Variants in CEP170 observed in about 807,000 individuals in gnomAD.
CEP170 encodes centrosomal protein of 170 kDa.
A neutral mutation model predicts 151.9 loss-of-function variants in CEP170; 21 were observed. The observed-to-expected ratio is 0.14, with a 90% CI of 0.10 to 0.20. The LOEUF (loss-of-function observed/expected upper bound fraction) is 0.20, where lower values mean the gene tolerates loss of function less well. Ranked by LOEUF, CEP170 falls within the 10% of genes least tolerant of loss-of-function variation. CEP170 has a pLI of 1.00. For missense variants in CEP170, 964 were observed against 1,892.9 expected, an observed-to-expected ratio of 0.51 and a Z score of 9.11; for synonymous variants, 356 against 648.8, an observed-to-expected ratio of 0.55 and a Z score of 6.86.
intron 17 of CEP170, among the ~76,000 whole-genome samples, chr1:243,133,379 A>T (rs1439753315): frequency 6.6e-6 from 1 of 152,282 alleles, no homozygotes; most frequent in Non-Finnish European, 1.5e-5. Flanking sequence ...CTTTATTCCC[A>T]TATAAGATGA....
At chr1:243,237,733 G>A (rs2064382733) in intron 1 of CEP170, among the ~76,000 whole-genome samples, 1 of 151,996 alleles carries the variant, frequency 6.6e-6, no homozygotes, top group South Asian at 2.1e-4. Flanking sequence ...TGAAACCCCC[G>A]TCTCTACTAA....
In CEP170 at chr1:243,139,996, C is replaced by T. The variant is rs1371581552; in HGVS notation, c.4171G>A (p.Ala1391Thr). The change falls in exon 16 of 20, where the codon GCA becomes ACA. Residue 1391 changes from alanine to threonine, a missense_variant. By Grantham distance (58) the Ala-to-Thr change is moderately conservative (BLOSUM62 0). Coordinates refer to ENST00000366542, the MANE Select transcript of CEP170 (RefSeq NM_014812.3). ...GTTAAGTGATCGGGAGGCTCTGCTG[C>T]TTGAGGTCTTGGATCACCAGATCGA... is the stretch of plus-strand genomic sequence containing the variant. Reference protein sequence around the residue: ...NGRSGDPRPQAAEPPDHLTIT... With the variant: ...NGRSGDPRPQTAEPPDHLTIT... 1.2e-6 allele frequency: 2 copies of T among 1,613,772 alleles called. No individual in the cohort carries two copies. The highest frequency in any genetic ancestry group is 1.7e-6 in the Non-Finnish European group (2 of 1,179,844).
intron 3 of CEP170, among the ~76,000 whole-genome samples, chr1:243,216,452 G>C (rs1473002947): frequency 6.6e-6 from 1 of 151,528 alleles, no homozygotes; most frequent in Non-Finnish European, 1.5e-5. Flanking sequence ...AGAACATCTG[G>C]TGTTTGGTTT....
rs1207484859 is a variant in CEP170 at position 243,185,926 on chromosome 1, C to T, written c.1419G>A (p.Gln473=). Residue 473 remains glutamine, a synonymous_variant, in exon 10 of 20, where the codon CAG becomes CAA. Coordinates refer to ENST00000366542, the MANE Select transcript of CEP170 (RefSeq NM_014812.3). The surrounding 1 kb of genome is among the most constrained non-coding windows in gnomAD (Gnocchi z 4.9). ...SSGSLGHRPS[Q]EMDKMLKNQA... Reference sequence around the variant, plus strand: ...GATTTTTTAACATTTTATCCATCTCCTGGCTTGGTCTGTGCCCAAGACTCC... The same window carrying T: ...GATTTTTTAACATTTTATCCATCTCTTGGCTTGGTCTGTGCCCAAGACTCC... 2 of 1,613,772 alleles carry T rather than the reference C, an allele frequency of 1.2e-6. No individual in the cohort carries two copies. Among genetic ancestry groups the T allele is most frequent in the South Asian group, 1.1e-5 (1 of 91,066 alleles).
intron 1 of CEP170, among the ~76,000 whole-genome samples, chr1:243,230,186 A>G (rs1157253770): frequency 6.6e-6 from 1 of 151,854 alleles, no homozygotes; most frequent in Admixed American, 6.6e-5. Context: ...CCTCATATCT[A>G]TGAAAAATAA....
intron 1 of CEP170, 35 bp from the exon 2 acceptor site, chr1:243,225,356 A>G (rs768125815): frequency 1.7e-5 from 15 of 874,858 alleles, no homozygotes; most frequent in Non-Finnish European, 2.4e-5. Flanking sequence ...ATACGTTCAG[A>G]TATTTTTAGC....
chr1:243,198,285 T>A (rs2060792939), intron 7 of CEP170, among the ~76,000 whole-genome samples: 1 of 152,114 alleles, frequency 6.6e-6, no homozygotes, highest in Admixed American at 6.6e-5. Context: ...GAAGTCTTGA[T>A]TTTCTGGTTT....
chr1:243,215,696 G>A (rs2062210667), intron 3 of CEP170, among the ~76,000 whole-genome samples: 1 of 152,056 alleles, frequency 6.6e-6, no homozygotes, highest in South Asian at 2.1e-4. Context: ...TTTCACCTGG[G>A]TCCTGTGATC....
intron 3 of CEP170, among the ~76,000 whole-genome samples, chr1:243,215,254 A>G (rs2062161668): frequency 6.6e-6 from 1 of 152,194 alleles, no homozygotes; most frequent in African/African-American, 2.4e-5. Flanking sequence ...TTTAAACAAT[A>G]TGAAATCTGG....
chr1:243,139,074 A>G (rs1396110790), intron 16 of CEP170, among the ~76,000 whole-genome samples: 1 of 150,358 alleles, frequency 6.7e-6, no homozygotes, highest in Non-Finnish European at 1.5e-5. Context: ...ACTTCTCTTC[A>G]TGTTTTGTAG....
At chr1:243,238,732 T>C (rs929339999) in intron 1 of CEP170, among the ~76,000 whole-genome samples, 3 of 152,224 alleles carry the variant, frequency 2.0e-5, no homozygotes, top group Admixed American at 2.0e-4. Flanking sequence ...ATAACAGAAC[T>C]CAGTCCACAT....
At chr1:243,184,981 G>A (rs947188940) in intron 10 of CEP170, among the ~76,000 whole-genome samples, 13 of 152,244 alleles carry the variant, frequency 8.5e-5, no homozygotes, top group Admixed American at 4.6e-4. Flanking sequence ...TTAGCCAAAC[G>A]GATACTGCTG....
At chr1:243,209,475 C>T (rs535896584) in intron 4 of CEP170, among the ~76,000 whole-genome samples, 145 of 152,256 alleles carry the variant, frequency 9.5e-4, no homozygotes, top group Non-Finnish European at 1.8e-3. Context: ...GTGTGAGCCA[C>T]TGCGCCCAGC....
At chr1:243,235,837 T>C (rs987497393) in intron 1 of CEP170, among the ~76,000 whole-genome samples, 7 of 152,168 alleles carry the variant, frequency 4.6e-5, no homozygotes, top group Non-Finnish European at 7.4e-5. Flanking sequence ...GATTTCTTCA[T>C]AAAAAACATT....
At chr1:243,146,596 C>T (rs1214196659) in intron 14 of CEP170, among the ~76,000 whole-genome samples, 1 of 151,522 alleles carries the variant, frequency 6.6e-6, no homozygotes, top group East Asian at 1.9e-4. Flanking sequence ...TAAGTGATTA[C>T]TCACTCATGC....
chr1:243,183,931 T>G (rs2059785770), intron 10 of CEP170, among the ~76,000 whole-genome samples: 1 of 152,134 alleles, frequency 6.6e-6, no homozygotes, highest in South Asian at 2.1e-4. Context: ...ATCCAGCAGT[T>G]TCCTGAAGAG....
In CEP170 at chr1:243,142,472, A is replaced by C; in HGVS notation, c.3912-9T>G. ...CAAGATCTTGGCTGATCCTGGTAATAATTTTAGAAAAGAAGTTTAATCCCT... is the reference window on the plus strand; with the variant it reads ...CAAGATCTTGGCTGATCCTGGTAATCATTTTAGAAAAGAAGTTTAATCCCT... On this transcript the variant is annotated splice_polypyrimidine_tract_variant and intron_variant, in intron 14 of 19. Coordinates refer to ENST00000366542, the MANE Select transcript of CEP170 (RefSeq NM_014812.3). 6.5e-7 allele frequency: 1 copy of C among 1,533,288 alleles called. No individual in the cohort carries two copies. The highest frequency in any genetic ancestry group is 8.8e-7 in the Non-Finnish European group (1 of 1,142,510). 95.0% of individuals were successfully genotyped at this position (1,533,288 alleles called of 1,614,324 possible).
intron 8 of CEP170, among the ~76,000 whole-genome samples, chr1:243,189,899 T>TA (rs756000528): frequency 6.7e-4 from 102 of 152,336 alleles, no homozygotes; most frequent in South Asian, 1.2e-3. Context: ...CAAAAATACA[T>TA]ATGCCAGGTA....
At chr1:243,192,262 G>A (rs1383388647) in intron 7 of CEP170, among the ~76,000 whole-genome samples, 1 of 152,072 alleles carries the variant, frequency 6.6e-6, no homozygotes, top group East Asian at 1.9e-4. Flanking sequence ...AAAATTCCTT[G>A]GAGGAAAGCT....
Sources: allele counts gnomAD v4.1 joint callset (sites outside exome capture counted in the v4.1 genomes callset), GRCh38; gene constraint gnomAD v4.1.1; non-coding constraint Gnocchi (gnomAD v3.1); transcripts MANE v1.5; gene names NCBI Gene and HGNC (gene_info 2026-07-23, HGNC 2026-07-21).